The following SERHL2 variants were observed in gnomAD, a reference collection of about 807,000 sequenced individuals.
SERHL2 encodes serine hydrolase like 2.
SERHL2 carries 29 observed loss-of-function variants against 25.5 expected under a neutral mutation model. The observed-to-expected ratio is 1.14, with a 90% CI of 0.85 to 1.55. The LOEUF (loss-of-function observed/expected upper bound fraction) is 1.55, where lower values mean the gene tolerates loss of function less well. Ranked by LOEUF, SERHL2 falls within the 40% of genes most tolerant of loss-of-function variation. SERHL2 has a pLI of 0.00. For synonymous variants in SERHL2, 95 were observed against 103.5 expected (o/e 0.92, Z 0.50); for missense variants, 240 against 252.3 (o/e 0.95, Z 0.33).
intron 8 of SERHL2, among the ~76,000 whole-genome samples, chr22:42,560,798 C>T (rs577938156): frequency 6.6e-6 from 1 of 151,974 alleles, no homozygotes; most frequent in Non-Finnish European, 1.5e-5. Context: ...TGCGGTGGCA[C>T]CATCATGGCT....
chr22:42,572,342 C>T, intron 10 of SERHL2, 94 bp from the exon 11 acceptor site: 2 of 872,178 alleles, frequency 2.3e-6, no homozygotes, highest in East Asian at 2.6e-5. Flanking sequence ...GCTTTGGTTT[C>T]TCCTCAGAGG....
intron 8 of SERHL2, among the ~76,000 whole-genome samples, chr22:42,562,551 A>G (rs1311426894): frequency 6.6e-6 from 1 of 151,424 alleles, no homozygotes; most frequent in Non-Finnish European, 1.5e-5. Context: ...GAGGACGCAG[A>G]GTGGGGAGGG....
intron 9 of SERHL2, among the ~76,000 whole-genome samples, chr22:42,567,525 G>C (rs1258795556): frequency 6.6e-6 from 1 of 151,234 alleles, no homozygotes; most frequent in African/African-American, 2.4e-5. Flanking sequence ...TTAGCCGGGC[G>C]CGGTGGCAGG....
At chr22:42,561,740 G>A (rs779824074) in intron 8 of SERHL2, among the ~76,000 whole-genome samples, 1 of 151,912 alleles carries the variant, frequency 6.6e-6, no homozygotes, top group East Asian at 1.9e-4. Flanking sequence ...AGCGGCACCT[G>A]TGGGCTGTTT....
At chr22:42,564,216 T>C (rs1312394918) in intron 8 of SERHL2, among the ~76,000 whole-genome samples, 1 of 151,744 alleles carries the variant, frequency 6.6e-6, no homozygotes, top group Non-Finnish European at 1.5e-5. Flanking sequence ...CCTTATCTAG[T>C]ATACAAAGTG....
At chr22:42,568,450 C>G (rs1236996427) in intron 9 of SERHL2, among the ~76,000 whole-genome samples, 1 of 151,846 alleles carries the variant, frequency 6.6e-6, no homozygotes, top group African/African-American at 2.4e-5. Flanking sequence ...ATTGCCAGAT[C>G]CTAGTCAATC....
intron 11 of SERHL2, 144 bp downstream of exon 11, chr22:42,572,673 C>T (rs2146768113): frequency 5.6e-6 from 8 of 1,424,128 alleles, no homozygotes; most frequent in Middle Eastern, 2.6e-4. Flanking sequence ...AGGCCTCATG[C>T]TCCACTGTGG....
intron 11 of SERHL2, chr22:42,572,772 C>G: frequency 1.0e-6 from 1 of 968,380 alleles, no homozygotes; most frequent in Non-Finnish European, 1.2e-6. Context: ...TCAAGCTACT[C>G]TCGTGCCTCA....
intron 11 of SERHL2, chr22:42,573,103 G>T (rs137050): frequency 0.18 from 27,182 of 151,844 alleles, 3,104 homozygotes; most frequent in African/African-American, 0.3. Context: ...GGAGCACGTG[G>T]TGTTTTATGG....
At chr22:42,567,143 G>C (rs2146723744) in intron 9 of SERHL2, among the ~76,000 whole-genome samples, 1 of 152,230 alleles carries the variant, frequency 6.6e-6, no homozygotes, top group African/African-American at 2.4e-5. Flanking sequence ...TAGAACATTG[G>C]ACACATGTGA....
Position 42,571,160 on chromosome 22 carries a change from G to C in SERHL2, c.688G>C (p.Ala230Pro). 2 of 1,613,512 alleles carry C rather than the reference G, an allele frequency of 1.2e-6. No homozygotes were observed. The highest frequency in any genetic ancestry group is 1.7e-6 in the Non-Finnish European group (2 of 1,179,696). The change falls in exon 10 of 12, where the codon GCG (alanine) becomes CCG (proline). Residue 230 changes from alanine to proline, a missense_variant. By Grantham distance (27) the Ala-to-Pro change is conservative. This residue lies in a region of SERHL2 where 212 missense variants were observed against 168.9 expected (regional missense o/e 1.25). Coordinates refer to ENST00000327678, the MANE Select transcript of SERHL2 (RefSeq NM_014509.5). ...SIDFISRELC[A>P]HSIRKLQAHV... ...TGACTTCATCAGCAGGGAGCTGTGT[G>C]CGCATTCCATCAGGAAGCTGCAGGC...
intron 11 of SERHL2, 116 bp downstream of exon 11, chr22:42,572,645 T>C (rs557911175): frequency 6.8e-7 from 1 of 1,463,222 alleles, no homozygotes; most frequent in South Asian, 1.4e-5. Flanking sequence ...GCCCAACAAG[T>C]GACCACCAGG....
chr22:42,570,283 G>C (rs1923984546), intron 9 of SERHL2, among the ~76,000 whole-genome samples: 1 of 151,972 alleles, frequency 6.6e-6, no homozygotes, highest in Admixed American at 6.6e-5. Context: ...TAGGCCTGGT[G>C]GCGCATGCCT....
intron 9 of SERHL2, among the ~76,000 whole-genome samples, chr22:42,570,287 C>T (rs567667799): frequency 3.0e-4 from 46 of 151,920 alleles, no homozygotes; most frequent in African/African-American, 1.1e-3. Flanking sequence ...CCTGGTGGCG[C>T]ATGCCTGTAA....
At chr22:42,562,746 G>T (rs991029614) in intron 8 of SERHL2, among the ~76,000 whole-genome samples, 2 of 151,964 alleles carry the variant, frequency 1.3e-5, no homozygotes, top group African/African-American at 4.8e-5. Flanking sequence ...GGTGCAGGAT[G>T]GGGAGAGAGC....
chr22:42,571,732 G>A (rs61456769), intron 10 of SERHL2: 20,887 of 156,588 alleles, frequency 0.13, 2,731 homozygotes, highest in East Asian at 0.72. Flanking sequence ...CACCATAGAC[G>A]ATTTTTAAGC....
chr22:42,564,109 A>G lies in SERHL2; in HGVS notation c.614-2195A>G, dbSNP rs571460012. Among the ~76,000 whole-genome samples the G allele has an allele frequency of 2.1e-3, 316 of 151,868 alleles. 6 individuals are homozygous for G. Among genetic ancestry groups the G allele is most frequent in the Non-Finnish European group, 3.9e-3 (266 of 67,912 alleles). On this transcript the variant is annotated intron_variant, in intron 8 of 11. Transcript: ENST00000327678. ...AGACAAGAAAAAACATGTCTTTTGT[A>G]TGGCTTCTGGAATTTGAGTCATAGT...
intron 9 of SERHL2, chr22:42,569,141 T>C (rs1375863911): frequency 4.4e-5 from 4 of 91,930 alleles, no homozygotes; most frequent in Non-Finnish European, 2.1e-5. Context: ...TTTTTTTTTT[T>C]CTTGCAAAGG....
intron 1 of SERHL2, among the ~76,000 whole-genome samples, chr22:42,554,275 G>C (rs1921961133): frequency 6.6e-6 from 1 of 152,162 alleles, no homozygotes; most frequent in African/African-American, 2.4e-5. Flanking sequence ...TTAGCCGAGC[G>C]TGCGCGTGGG....
Sources: gnomAD v4.1 joint callset for allele counts (sites outside exome capture counted in the v4.1 genomes callset) on GRCh38, gnomAD v4.1.1 for gene constraint, gnomAD v4.1.1 regional missense constraint, MANE v1.5 for transcripts, NCBI Gene and HGNC (gene_info 2026-07-23, HGNC 2026-07-21) for gene names.